The following CFAP92 variants were observed in gnomAD, a reference collection of about 807,000 sequenced individuals.
The protein encoded by CFAP92 is uncharacterized protein CFAP92.
A neutral mutation model predicts 106.3 loss-of-function variants in CFAP92; 86 were observed. That is an observed-to-expected ratio of 0.81 (90% confidence interval 0.68 to 0.97). The LOEUF (loss-of-function observed/expected upper bound fraction) is 0.97. CFAP92 is among the 50% of genes least tolerant of loss of function. The pLI, the probability that CFAP92 is intolerant of heterozygous loss-of-function variation, is 0.00. For missense variants in CFAP92, 1,204 were observed against 1,283.8 expected (o/e 0.94, Z 0.95); for synonymous variants, 477 against 506.4 (o/e 0.94, Z 0.78).
chr3:128,956,213 AAT>A lies in CFAP92; in HGVS notation c.1353+9296_1353+9297del, dbSNP rs1351742271. The stretch of plus-strand genomic sequence containing the variant: ...AAAAAAAATAAAAAAAAAATAAAAA[AAT>A]AAAAAAAAAAAAAGAAAATAGAAAG... On this transcript the variant is annotated intron_variant, in intron 9 of 15. Coordinates refer to ENST00000645291, the MANE Select transcript of CFAP92 (RefSeq NM_001394090.1). Among the ~76,000 whole-genome samples the A allele has an allele frequency of 1.5e-3, 153 of 101,006 alleles. 1 individual carries two copies. The highest frequency in any genetic ancestry group is 8.8e-3 in the African/African-American group (146 of 16,612). 66.3% of individuals were successfully genotyped at this position (101,006 alleles called of 152,430 possible).
intron 4 of CFAP92, among the ~76,000 whole-genome samples, chr3:128,986,016 A>C (rs1264434612): frequency 1.3e-5 from 2 of 152,196 alleles, no homozygotes; most frequent in East Asian, 3.9e-4. Context: ...CCAAAATGTC[A>C]ATAGTGCCAA....
chr3:128,920,778 A>G (rs968690909), intron 12 of CFAP92, among the ~76,000 whole-genome samples: 1 of 152,206 alleles, frequency 6.6e-6, no homozygotes, highest in Non-Finnish European at 1.5e-5. Context: ...CGTGGCTTGG[A>G]CGGAATCCAG....
At chr3:128,935,450 G>C in intron 10 of CFAP92, 131 bp from the exon 11 acceptor site, 1 of 553,604 alleles carries the variant, frequency 1.8e-6, no homozygotes. Context: ...GGTGACTCAC[G>C]CCTATAATCC....
chr3:128,916,720 G>A (rs116508614), intron 12 of CFAP92, among the ~76,000 whole-genome samples: 1,689 of 152,296 alleles, frequency 0.011, 39 homozygotes, highest in African/African-American at 0.038. Flanking sequence ...AAGGAAATGG[G>A]AACTCTTCCC....
chr3:128,975,327 G>A (rs146163077), intron 7 of CFAP92, among the ~76,000 whole-genome samples: 13 of 152,092 alleles, frequency 8.5e-5, no homozygotes, highest in African/African-American at 3.1e-4. Flanking sequence ...ACAACACCAT[G>A]GGTCAAAAAT....
chr3:128,960,528 C>T (rs1403766558), intron 9 of CFAP92, among the ~76,000 whole-genome samples: 4 of 152,214 alleles, frequency 2.6e-5, no homozygotes, highest in African/African-American at 4.8e-5. Flanking sequence ...CTGGTAGAGA[C>T]AAAAGAGACA....
At chr3:129,009,646 A>C in the CFAP92 span, among the ~76,000 whole-genome samples, 8 of 152,224 alleles carry the variant, frequency 5.3e-5, no homozygotes, top group Non-Finnish European at 1.2e-4. Flanking sequence ...AAGAGAATCA[A>C]GGGGCACTGT....
At chr3:128,953,631 G>GTCTCCC (rs1453131956) in intron 9 of CFAP92, among the ~76,000 whole-genome samples, 10 of 65,296 alleles carry the variant, frequency 1.5e-4, no homozygotes, top group East Asian at 5.4e-4. Flanking sequence ...CTCCCTCTCC[G>GTCTCCC]TCTCCCTCTC....
At chr3:128,969,936 A>G (rs1942661820) in intron 8 of CFAP92, 1 of 152,192 alleles carries the variant, frequency 6.6e-6, no homozygotes, top group African/African-American at 2.4e-5. Flanking sequence ...GCTGTAGGTG[A>G]AGTATCATTT....
At chr3:128,923,704 C>A (rs113067657) in intron 12 of CFAP92, among the ~76,000 whole-genome samples, 5 of 152,340 alleles carry the variant, frequency 3.3e-5, no homozygotes, top group African/African-American at 1.2e-4. Flanking sequence ...AATTGCCTTG[C>A]TCAATTAATT....
chr3:129,017,157 A>G, the CFAP92 span, among the ~76,000 whole-genome samples: 8 of 152,230 alleles, frequency 5.3e-5, no homozygotes, highest in African/African-American at 1.9e-4. Flanking sequence ...CCAGAATTGC[A>G]TCACATGCCT....
intron 11 of CFAP92, among the ~76,000 whole-genome samples, chr3:128,934,731 A>G (rs1369826864): frequency 6.6e-6 from 1 of 151,972 alleles, no homozygotes; most frequent in African/African-American, 2.4e-5. Context: ...GGGTCTCACT[A>G]TGTTGCCTAG....
rs1266205484 is a variant in CFAP92 at position 128,945,316 on chromosome 3, G to T, written c.2013C>A (p.Ser671=). The T allele has an allele frequency of 6.5e-6, 10 of 1,536,012 alleles. No individual in the cohort carries two copies. Among genetic ancestry groups the T allele is most frequent in the Non-Finnish European group, 8.7e-6 (10 of 1,146,922 alleles). ...TGTCCTGCAGCAGGCTGTGGAGCAG[G>T]GAGACCTTCTTAAAGTCAAAGACGA... ...IIFVFDFKKV[S]LLHSLLQDIT... Residue 671 remains serine (S), a synonymous_variant, in exon 10 of 16, where the codon TCC becomes TCA. Coordinates refer to ENST00000645291, the MANE Select transcript of CFAP92 (RefSeq NM_001394090.1).
In CFAP92 at chr3:128,993,150, C is replaced by A; in HGVS notation, c.155G>T (p.Cys52Phe). The A allele has an allele frequency of 6.2e-7, 1 of 1,614,078 alleles. No individual in the cohort carries two copies. Among genetic ancestry groups the A allele is most frequent in the African/African-American group, 1.3e-5 (1 of 75,066 alleles). Residue 52 changes from cysteine to phenylalanine, a missense_variant, in exon 2 of 16, where the codon TGC (cysteine) becomes TTC (phenylalanine). Coordinates refer to ENST00000645291, the MANE Select transcript of CFAP92 (RefSeq NM_001394090.1). Reference sequence around the variant, plus strand: ...CTCAGATGAGGACTCGATGCTGCTGCACGGGCGGTCAGAGTCAGACTCCTG... The same window carrying A: ...CTCAGATGAGGACTCGATGCTGCTGAACGGGCGGTCAGAGTCAGACTCCTG... ...RAQESDSDRP[C>F]SSIESSSEPA...
At chr3:128,912,371 T>A (rs981316474) in intron 15 of CFAP92, 1 of 723,714 alleles carries the variant, frequency 1.4e-6, no homozygotes, top group African/African-American at 1.7e-5. Flanking sequence ...TTGCTGGGGG[T>A]CTGGAGGAGG....
chr3:128,984,173 C>T (rs56206032), intron 4 of CFAP92, among the ~76,000 whole-genome samples: 2,634 of 152,190 alleles, frequency 0.017, 41 homozygotes, highest in Non-Finnish European at 0.025. Context: ...ATCGAGCAGA[C>T]GAGCAGATTA....
upstream of CFAP92, among the ~76,000 whole-genome samples, chr3:128,997,107 G>A (rs1199334566): frequency 1.3e-5 from 2 of 152,172 alleles, no homozygotes; most frequent in Non-Finnish European, 2.9e-5. Context: ...GTAAGCAGAG[G>A]GACAAGCATC....
rs558775967 is a variant in CFAP92, at chr3:128,988,791, A to T, written c.390T>A (p.Pro130=). The change falls in exon 3 of 16, where the codon CCT becomes CCA. Residue 130 remains proline (P), a synonymous_variant. Transcript: ENST00000645291. ...EYFLLPDDEE[P]KKVDILLFPM... ...GAAATAGCAATATGTCAACTTTTTT[A>T]GGTTCTTCATCGTCCGGCAGAAGGA... 4 of 1,614,020 alleles carry T rather than the reference A, an allele frequency of 2.5e-6. No homozygotes were observed. The South Asian group carries it at 4.4e-5, about 18-fold the overall frequency.
the CFAP92 span, among the ~76,000 whole-genome samples, chr3:129,019,797 T>G: frequency 6.7e-6 from 1 of 149,842 alleles, no homozygotes; most frequent in Non-Finnish European, 1.5e-5. Context: ...AGACTGAGTT[T>G]CGCTCTTGTT....
Sources: gnomAD v4.1 joint callset for allele counts (sites outside exome capture counted in the v4.1 genomes callset) on GRCh38, gnomAD v4.1.1 for gene constraint, MANE v1.5 for transcripts, NCBI Gene and HGNC (gene_info 2026-07-23, HGNC 2026-07-21) for gene names.